The following ARPC1B variants were observed in gnomAD, a reference collection of about 807,000 sequenced individuals.
The protein encoded by ARPC1B is actin-related protein 2/3 complex subunit 1B.
Under a neutral mutation model 46.0 loss-of-function variants are expected in ARPC1B, and 29 were observed. That is an observed-to-expected ratio of 0.63 (90% CI 0.47 to 0.86). The LOEUF is 0.86. Ranked by LOEUF, ARPC1B falls within the 40% of genes least tolerant of loss-of-function variation. The probability of loss-of-function intolerance (pLI) is 0.00; values close to 1 mark genes in which losing one functional copy is unlikely to be tolerated. For missense variants in ARPC1B, 469 were observed against 529.4 expected (o/e 0.89, Z 1.12); for synonymous variants, 201 against 213.9 (o/e 0.94, Z 0.53).
intron 1 of ARPC1B, among the ~76,000 whole-genome samples, chr7:99,381,348 T>C (rs995341117): frequency 2.6e-4 from 39 of 151,996 alleles, no homozygotes; most frequent in African/African-American, 9.4e-4. Context: ...AACACGTGCA[T>C]GTGGGGAGTA....
intron 7 of ARPC1B, among the ~76,000 whole-genome samples, chr7:99,391,456 A>C (rs1463825791): frequency 1.3e-5 from 2 of 152,174 alleles, no homozygotes; most frequent in Non-Finnish European, 2.9e-5. Flanking sequence ...TAACAGAGTA[A>C]AGATTTGGCC....
chr7:99,381,154 C>G (rs940974403), intron 1 of ARPC1B, among the ~76,000 whole-genome samples: 1 of 152,204 alleles, frequency 6.6e-6, no homozygotes, highest in African/African-American at 2.4e-5. Flanking sequence ...GGGCCCTCAC[C>G]TTACACAAAG....
In ARPC1B at chr7:99,394,019, C is replaced by G; in HGVS notation, c.990-10C>G. 6.2e-7 allele frequency: 1 copy of G among 1,612,286 alleles called. No individual in the cohort carries two copies. The highest frequency in any genetic ancestry group is 1.1e-5 in the South Asian group (1 of 91,084). On this transcript the variant is annotated splice_polypyrimidine_tract_variant and intron_variant, in intron 8 of 9. Coordinates refer to ENST00000646101, the MANE Select transcript of ARPC1B (RefSeq NM_005720.4). ...AGGTTGAATTCATAAGCTCCTCTTC[C>G]TCTTTGCAGCCAGATCTCGGTGCTC...
At chr7:99,387,055 G>C (rs1794412491) in intron 3 of ARPC1B, among the ~76,000 whole-genome samples, 1 of 152,226 alleles carries the variant, frequency 6.6e-6, no homozygotes, top group African/African-American at 2.4e-5. Flanking sequence ...CCTCCAGCAT[G>C]TTTGCTGATA....
At chr7:99,393,989 A>T in intron 8 of ARPC1B, 40 bp from the exon 9 acceptor site, 1 of 1,602,168 alleles carries the variant, frequency 6.2e-7, no homozygotes, top group Non-Finnish European at 8.5e-7. Context: ...GCCCAGCGCC[A>T]GCACAGGTTG....
At position 99,392,743 on chromosome 7, in the gene ARPC1B, G is replaced by A; in HGVS notation, c.856G>A (p.Asp286Asn). ...GATGCTGAGCTTCGGCGGGCGGCTG[G>A]ACGTTCCTAAGCAGAGCTCGCAGCG... ...AGMLSFGGRL[D>N]VPKQSSQRGL... The change falls in exon 8 of 10, where the codon GAC becomes AAC. Residue 286 changes from aspartate (D) to asparagine (N), a missense_variant. Transcript: ENST00000646101. 2 of 1,548,830 alleles carry A rather than the reference G, an allele frequency of 1.3e-6. No homozygotes were observed. Among genetic ancestry groups the A allele is most frequent in the Non-Finnish European group, 1.7e-6 (2 of 1,145,932 alleles).
chr7:99,380,852 G>C (rs541552959), intron 1 of ARPC1B, among the ~76,000 whole-genome samples: 1 of 152,184 alleles, frequency 6.6e-6, no homozygotes, highest in African/African-American at 2.4e-5. Context: ...GGCTGAAAGG[G>C]AGGGAAAAAT....
Position 99,390,915 on chromosome 7 carries a change from G to C in ARPC1B, c.523G>C (p.Glu175Gln), listed in dbSNP as rs1794550848. Residue 175 changes from glutamate to glutamine, a missense_variant, in exon 6 of 10, where the codon GAG becomes CAG. Transcript: ENST00000646101. ...KCRIFSAYIK[E>Q]VEERPAPTPW... ...TAGGATCTTTTCAGCCTACATCAAG[G>C]AGGTGGAGGAACGGCCGGCACCCAC... The C allele has an allele frequency of 6.2e-7, 1 of 1,610,758 alleles. No homozygotes were observed. The highest frequency in any genetic ancestry group is 8.5e-7 in the Non-Finnish European group (1 of 1,177,810).
At chr7:99,374,728 C>T (rs1022030227), upstream of ARPC1B, 4 of 152,086 alleles carry the variant, frequency 2.6e-5, no homozygotes, top group African/African-American at 7.2e-5. The surrounding 1 kb of genome is among the most constrained non-coding windows in gnomAD (Gnocchi z 5.0). Flanking sequence ...GGCGCGGAGC[C>T]CAGAGCCGGT....
chr7:99,386,589 A>G, intron 2 of ARPC1B, 96 bp from the exon 3 acceptor site: 2 of 969,686 alleles, frequency 2.1e-6, no homozygotes, highest in Non-Finnish European at 3.4e-6. Context: ...GAGTCATGAA[A>G]GGTGAGGTGT....
At chr7:99,386,592 T>G in intron 2 of ARPC1B, 93 bp from the exon 3 acceptor site, 1 of 979,462 alleles carries the variant, frequency 1.0e-6, no homozygotes. Flanking sequence ...TCATGAAAGG[T>G]GAGGTGTTGT....
intron 8 of ARPC1B, 42 bp downstream of exon 8, chr7:99,392,918 C>T: frequency 6.6e-7 from 1 of 1,505,800 alleles, no homozygotes; most frequent in Non-Finnish European, 8.9e-7. Context: ...GGGGCCTCGG[C>T]TCGCCCAGAA....
rs1054238841 is a variant in ARPC1B, at chr7:99,390,017, G to A, written c.500+5G>A. ...CTCCTGTGACTTCAAGTGTCGGTGAGACAGGGCGCCATGGGGGAGGGCGGG... is the reference window on the plus strand; with the variant it reads ...CTCCTGTGACTTCAAGTGTCGGTGAAACAGGGCGCCATGGGGGAGGGCGGG... On this transcript the variant is annotated splice_donor_5th_base_variant and intron_variant, in intron 5 of 9. Transcript: ENST00000646101. The A allele has an allele frequency of 6.2e-7, 1 of 1,613,204 alleles. No individual in the cohort carries two copies. The highest frequency in any genetic ancestry group is 1.3e-5 in the African/African-American group (1 of 75,052).
At chr7:99,382,209 G>A (rs1441831102) in intron 1 of ARPC1B, among the ~76,000 whole-genome samples, 2 of 152,100 alleles carry the variant, frequency 1.3e-5, no homozygotes, top group African/African-American at 2.4e-5. Context: ...AGGCCGAGGC[G>A]GGCGGATCAC....
rs757634979 is a variant in ARPC1B at position 99,386,744 on chromosome 7, T to C, written c.124T>C (p.Trp42Arg). 3.1e-6 allele frequency: 5 copies of C among 1,613,962 alleles called. No homozygotes were observed. The highest frequency in any genetic ancestry group is 4.2e-6 in the Non-Finnish European group (5 of 1,179,984). Reference protein sequence around the residue: ...VHIYEKSGAKWTKVHELKEHN... With the variant: ...VHIYEKSGAKRTKVHELKEHN... ...TATCTATGAAAAGAGCGGTGCCAAA[T>C]GGACCAAGGTGCACGAGCTCAAGGA... is the stretch of plus-strand genomic sequence containing the variant. The change falls in exon 3 of 10, where the codon TGG becomes CGG. Residue 42 changes from tryptophan to arginine, a missense_variant. Trp to Arg is a moderately radical substitution (Grantham distance 101). Coordinates refer to ENST00000646101, the MANE Select transcript of ARPC1B (RefSeq NM_005720.4).
chr7:99,382,090 G>C (rs564479276), intron 1 of ARPC1B, among the ~76,000 whole-genome samples: 1 of 152,322 alleles, frequency 6.6e-6, no homozygotes, highest in African/African-American at 2.4e-5. Context: ...CCCAAGTGCA[G>C]CCAGGCCTCC....
chr7:99,391,351 CCTT>C (rs1465231496), intron 7 of ARPC1B, 98 bp downstream of exon 7: 1 of 1,269,580 alleles, frequency 7.9e-7, no homozygotes, highest in Non-Finnish European at 1.1e-6. Flanking sequence ...CTGCCTCCCT[CCTT>C]TTTTTCTTCC....
intron 1 of ARPC1B, among the ~76,000 whole-genome samples, chr7:99,384,694 T>C (rs1794324013): frequency 6.6e-6 from 1 of 152,124 alleles, no homozygotes; most frequent in African/African-American, 2.4e-5. Context: ...GAATGGGATG[T>C]ATCTGTTAAA....
chr7:99,381,855 C>T (rs994813257), intron 1 of ARPC1B, among the ~76,000 whole-genome samples: 2 of 152,232 alleles, frequency 1.3e-5, no homozygotes, highest in Non-Finnish European at 1.5e-5. Flanking sequence ...CAGGATGGGC[C>T]GGCCCCTGGG....
Sources: allele counts gnomAD v4.1 joint callset (sites outside exome capture counted in the v4.1 genomes callset), GRCh38; gene constraint gnomAD v4.1.1; non-coding constraint Gnocchi (gnomAD v3.1); transcripts MANE v1.5; gene names NCBI Gene and HGNC (gene_info 2026-07-23, HGNC 2026-07-21).